Variants in JAKMIP1 observed in about 807,000 individuals in gnomAD.
JAKMIP1 encodes janus kinase and microtubule interacting protein 1, also known as janus kinase and microtubule-interacting protein 1.
JAKMIP1 carries 33 observed loss-of-function variants against 113.0 expected under a neutral mutation model. The observed-to-expected ratio is 0.29, with a 90% confidence interval of 0.22 to 0.39. JAKMIP1 has a LOEUF of 0.39. Ranked by LOEUF, JAKMIP1 falls within the 10% of genes least tolerant of loss-of-function variation. The probability of loss-of-function intolerance (pLI) is 1.00; values close to 1 mark genes in which losing one functional copy is unlikely to be tolerated. For missense variants in JAKMIP1, 813 were observed against 1,080.5 expected (o/e 0.75, Z 3.47); for synonymous variants, 480 against 459.9 (o/e 1.04, Z -0.56).
chr4:6,030,129 C>T (rs189677252), intron 19 of JAKMIP1, among the ~76,000 whole-genome samples: 3 of 152,090 alleles, frequency 2.0e-5, no homozygotes, highest in Non-Finnish European at 4.4e-5. Context: ...AACAAAACAT[C>T]GAGACTGGAC....
At chr4:6,103,166 A>C (rs547392823) in intron 3 of JAKMIP1, among the ~76,000 whole-genome samples, 35 of 152,306 alleles carry the variant, frequency 2.3e-4, no homozygotes, top group African/African-American at 8.2e-4. Context: ...AGAACCATTT[A>C]TCATATTAGA....
chr4:6,077,075 T>C (rs1305718598), intron 8 of JAKMIP1, among the ~76,000 whole-genome samples: 2 of 152,212 alleles, frequency 1.3e-5, no homozygotes, highest in African/African-American at 2.4e-5. Context: ...TTCAATTTCA[T>C]ATAAAGTAAG....
rs372208015 is a variant in JAKMIP1 at position 6,140,369 on chromosome 4, C to T, written c.-147-27372G>A. Reference sequence around the variant, plus strand: ...GCCGACCATAAATCCCCCCACGTGGCGAGGCTGGCTCAGCAGGAGCACTGT... The same window carrying T: ...GCCGACCATAAATCCCCCCACGTGGTGAGGCTGGCTCAGCAGGAGCACTGT... On this transcript the variant is annotated intron_variant, in intron 1 of 20. Coordinates refer to ENST00000409021, the MANE Select transcript of JAKMIP1 (RefSeq NM_001099433.2). This position sits in a 1 kb window ranked among gnomAD's most constrained non-coding sequence, Gnocchi z 9.4. Among the ~76,000 whole-genome samples the T allele has an allele frequency of 1.3e-4, 20 of 151,856 alleles. No homozygotes were observed. The highest frequency in any genetic ancestry group is 3.9e-4 in the African/African-American group (16 of 41,310).
chr4:6,044,753 A>T lies in JAKMIP1; in HGVS notation c.2029-2526T>A, dbSNP rs1350088499. On this transcript the variant is annotated intron_variant, in intron 16 of 20. Transcript: ENST00000409021. The surrounding 1 kb of genome is among the most constrained non-coding windows in gnomAD (Gnocchi z 4.4). ...AAAATTGCATATAAAAAATAAATTC[A>T]ACAAGACCTTTTAGCAACGGGGAGA... 6.8e-6 allele frequency among the ~76,000 whole-genome samples: 1 copy of T among 147,676 alleles called. No homozygotes were observed. Among genetic ancestry groups the T allele is most frequent in the Non-Finnish European group, 1.5e-5 (1 of 67,658 alleles).
At chr4:6,130,217 C>T (rs146809419) in intron 1 of JAKMIP1, among the ~76,000 whole-genome samples, 2 of 152,334 alleles carry the variant, frequency 1.3e-5, no homozygotes, top group East Asian at 1.9e-4. Context: ...AAGGAGGGAG[C>T]GGGGACGCAA....
rs539627468 is a variant in JAKMIP1 at position 6,135,969 on chromosome 4, G to A, written c.-147-22972C>T. On this transcript the variant is annotated intron_variant, in intron 1 of 20. Transcript: ENST00000409021. This position sits in a 1 kb window ranked among gnomAD's most constrained non-coding sequence, Gnocchi z 4.9. ...GTCCCTTCAACATGGACCGAGGCTG[G>A]GCACAGTGGCTCACACCTGTAATCC... is the stretch of plus-strand genomic sequence containing the variant. Among the ~76,000 whole-genome samples the A allele has an allele frequency of 6.6e-6, 1 of 152,276 alleles. No homozygotes were observed. The highest frequency in any genetic ancestry group is 2.4e-5 in the African/African-American group (1 of 41,544).
chr4:6,086,371 G>A lies in JAKMIP1; in HGVS notation c.625-742C>T, dbSNP rs1319296728. Among the ~76,000 whole-genome samples, 1 of 151,546 alleles carries A rather than the reference G, an allele frequency of 6.6e-6. No individual in the cohort carries two copies. ...ATCTTAAACACATGCCTCAGCCCTG[G>A]CTTCTCTCTGAGCTCCACAATCACA... On this transcript the variant is annotated intron_variant, in intron 3 of 20. Coordinates refer to ENST00000409021, the MANE Select transcript of JAKMIP1 (RefSeq NM_001099433.2). This position sits in a 1 kb window ranked among gnomAD's most constrained non-coding sequence, Gnocchi z 4.1.
chr4:6,081,177 C>G lies in JAKMIP1; in HGVS notation c.1101+432G>C, dbSNP rs115464149. 9.9e-3 allele frequency among the ~76,000 whole-genome samples: 1,511 copies of G among 152,286 alleles called. 35 individuals carry two copies. Among genetic ancestry groups the G allele is most frequent in the African/African-American group, 0.035 (1,438 of 41,560 alleles). On this transcript the variant is annotated intron_variant, in intron 6 of 20. Transcript: ENST00000409021. This position sits in a 1 kb window ranked among gnomAD's most constrained non-coding sequence, Gnocchi z 4.6. ...GCCCTGACCACAAACACCAGGCATC[C>G]TAGCTGGAGGAGAAACCCCTCTGCA...
At position 6,168,773 on chromosome 4, in the gene JAKMIP1, C is replaced by G. The variant is rs1723970990; in HGVS notation, c.-148+31480G>C. ...AAATTAGCCAGGCCTGGTGGCATGCCCCTGTGGTCCCAGCTACTTGGGAGG... is the reference window on the plus strand; with the variant it reads ...AAATTAGCCAGGCCTGGTGGCATGCGCCTGTGGTCCCAGCTACTTGGGAGG... On this transcript the variant is annotated intron_variant, in intron 1 of 20. Coordinates refer to ENST00000409021, the MANE Select transcript of JAKMIP1 (RefSeq NM_001099433.2). This position sits in a 1 kb window ranked among gnomAD's most constrained non-coding sequence, Gnocchi z 4.6. Among the ~76,000 whole-genome samples the G allele has an allele frequency of 6.6e-6, 1 of 151,824 alleles. No homozygotes were observed. Among genetic ancestry groups the G allele is most frequent in the Non-Finnish European group, 1.5e-5 (1 of 67,960 alleles).
chr4:6,107,751 T>TG (rs139387216), intron 2 of JAKMIP1, among the ~76,000 whole-genome samples: 1 of 150,704 alleles, frequency 6.6e-6, no homozygotes, highest in Non-Finnish European at 1.5e-5. Context: ...TCTCACTCTG[T>TG]GGGGGGTGTG....
rs557076494 is a variant in JAKMIP1, at chr4:6,036,045, G to A, written c.2238C>T (p.Ala746=). ...TALQQEPGRR[A]GEALSEGQRE... ...GCTGGCCCTCGCTCAGCGCCTCACC[G>A]GCCCTCCGCCCCGGCTCCTGCTGCA... Residue 746 remains alanine, a synonymous_variant, in exon 19 of 21, where the codon GCC becomes GCT. Transcript: ENST00000409021. 2.4e-5 allele frequency: 37 copies of A among 1,555,566 alleles called. No individual in the cohort carries two copies. In the East Asian group the frequency reaches 3.4e-4, roughly 14 times the overall value.
intron 1 of JAKMIP1, among the ~76,000 whole-genome samples, chr4:6,191,380 T>C (rs1024664696): frequency 6.6e-6 from 1 of 152,144 alleles, no homozygotes; most frequent in African/African-American, 2.4e-5. Flanking sequence ...AGTGGCTGGG[T>C]CAGCCTCTGT....
intron 1 of JAKMIP1, among the ~76,000 whole-genome samples, chr4:6,173,360 T>C (rs1724971551): frequency 6.6e-6 from 1 of 152,214 alleles, no homozygotes; most frequent in African/African-American, 2.4e-5. Context: ...AAAAATATAA[T>C]GATTTCTCTA....
rs1357641902 is a variant in JAKMIP1 at position 6,093,162 on chromosome 4, T to A, written c.625-7533A>T. Among the ~76,000 whole-genome samples the A allele has an allele frequency of 2.0e-5, 3 of 152,072 alleles. No individual in the cohort carries two copies. Among genetic ancestry groups the A allele is most frequent in the Non-Finnish European group, 4.4e-5 (3 of 68,000 alleles). ...TTCAAAACCCAGCTCACACCTCACTTCCTCTGTGAAATGACTCCTGCATCT... is the reference window on the plus strand; with the variant it reads ...TTCAAAACCCAGCTCACACCTCACTACCTCTGTGAAATGACTCCTGCATCT... On this transcript the variant is annotated intron_variant, in intron 3 of 20. Transcript: ENST00000409021. The surrounding 1 kb of genome is among the most constrained non-coding windows in gnomAD (Gnocchi z 4.6).
intron 1 of JAKMIP1, among the ~76,000 whole-genome samples, chr4:6,177,029 G>C (rs1374184189): frequency 2.0e-5 from 3 of 152,050 alleles, no homozygotes; most frequent in African/African-American, 7.2e-5. Flanking sequence ...GTAAGACCCT[G>C]TCTCAAAAAA....
Position 6,081,536 on chromosome 4 carries a change from G to A in JAKMIP1, c.1101+73C>T. The A allele has an allele frequency of 6.4e-7, 1 of 1,555,534 alleles. No homozygotes were observed. The highest frequency in any genetic ancestry group is 8.8e-7 in the Non-Finnish European group (1 of 1,136,766). ...GGTGCGCCCCAGAACATGTGAATCG[G>A]GAGGTTCAGGGCTGAAGAATCCCAG... is the stretch of plus-strand genomic sequence containing the variant. On this transcript the variant is annotated intron_variant, in intron 6 of 20. Coordinates refer to ENST00000409021, the MANE Select transcript of JAKMIP1 (RefSeq NM_001099433.2). This position sits in a 1 kb window ranked among gnomAD's most constrained non-coding sequence, Gnocchi z 4.6.
chr4:6,085,663 G>C, intron 3 of JAKMIP1, 34 bp from the exon 4 acceptor site: 1 of 1,595,230 alleles, frequency 6.3e-7, no homozygotes, highest in Non-Finnish European at 8.6e-7. Context: ...GTCAGCCCTA[G>C]GGGCTCATGA....
rs897317700 is a variant in JAKMIP1 at position 6,155,592 on chromosome 4, C to T, written c.-147-42595G>A. On this transcript the variant is annotated intron_variant, in intron 1 of 20. Transcript: ENST00000409021. This position sits in a 1 kb window ranked among gnomAD's most constrained non-coding sequence, Gnocchi z 6.1. ...CTGCTACCTGATTTCCCCTAAAGAACTCACGGAGGATTTACGCGCATATTC... is the reference window on the plus strand; with the variant it reads ...CTGCTACCTGATTTCCCCTAAAGAATTCACGGAGGATTTACGCGCATATTC... Among the ~76,000 whole-genome samples the T allele has an allele frequency of 2.0e-5, 3 of 152,332 alleles. No individual in the cohort carries two copies. Among genetic ancestry groups the T allele is most frequent in the Non-Finnish European group, 2.9e-5 (2 of 68,034 alleles).
In JAKMIP1 at chr4:6,139,651, A is replaced by G. The variant is rs1015824306; in HGVS notation, c.-147-26654T>C. Among the ~76,000 whole-genome samples, 2 of 152,088 alleles carry G rather than the reference A, an allele frequency of 1.3e-5. No individual in the cohort carries two copies. The highest frequency in any genetic ancestry group is 2.9e-5 in the Non-Finnish European group (2 of 68,034). ...TGTGGTGGCACACACCTGTAGTCCC[A>G]GCTACTTGGGAGGCTGAGGCAGGAG... On this transcript the variant is annotated intron_variant, in intron 1 of 20. Transcript: ENST00000409021. This position sits in a 1 kb window ranked among gnomAD's most constrained non-coding sequence, Gnocchi z 5.2.
Sources: allele counts gnomAD v4.1 joint callset (sites outside exome capture counted in the v4.1 genomes callset), GRCh38; gene constraint gnomAD v4.1.1; non-coding constraint Gnocchi (gnomAD v3.1); transcripts MANE v1.5; gene names NCBI Gene and HGNC (gene_info 2026-07-23, HGNC 2026-07-21).